Variants in SLC39A12 observed in about 807,000 individuals in gnomAD.
The protein encoded by SLC39A12 is solute carrier family 39 member 12.
In SLC39A12, 63 loss-of-function variants were observed where a neutral mutation model predicts 71.1. That is an observed-to-expected ratio of 0.89 (90% CI 0.72 to 1.09). SLC39A12 has a LOEUF of 1.09. Ranked by LOEUF, SLC39A12 falls within the 50% of genes least tolerant of loss-of-function variation. The pLI, the probability that SLC39A12 is intolerant of heterozygous loss-of-function variation, is 0.00. For missense variants in SLC39A12, 892 were observed against 812.6 expected (o/e 1.10, Z -1.19); for synonymous variants, 351 against 301.3 (o/e 1.16, Z -1.71).
intron 3 of SLC39A12, 39 bp from the exon 4 acceptor site, chr10:17,965,444 G>C (rs1448713065): frequency 6.4e-7 from 1 of 1,573,458 alleles, no homozygotes; most frequent in Non-Finnish European, 8.7e-7. Context: ...AATAACTTCA[G>C]ATGTTACAAT....
intron 4 of SLC39A12, among the ~76,000 whole-genome samples, chr10:17,975,079 G>T (rs1344388259): frequency 6.6e-6 from 1 of 152,134 alleles, no homozygotes; most frequent in Non-Finnish European, 1.5e-5. Flanking sequence ...CCACACTACT[G>T]CCAATGTTCC....
chr10:17,995,577 A>G, intron 9 of SLC39A12, 79 bp from the exon 10 acceptor site: 1 of 1,322,320 alleles, frequency 7.6e-7, no homozygotes, highest in South Asian at 1.2e-5. Flanking sequence ...AAACCCATGT[A>G]ACTCTCCAGA....
chr10:17,978,159 C>G, intron 5 of SLC39A12, 85 bp downstream of exon 5: 1 of 1,161,652 alleles, frequency 8.6e-7, no homozygotes, highest in Non-Finnish European at 1.2e-6. Flanking sequence ...TTGTAGAAAA[C>G]TTAAAGAGTA....
At chr10:17,973,572 C>G (rs1589225737) in intron 4 of SLC39A12, among the ~76,000 whole-genome samples, 1 of 152,126 alleles carries the variant, frequency 6.6e-6, no homozygotes, top group African/African-American at 2.4e-5. Flanking sequence ...CTCTCGTGGC[C>G]TGTAAGTTTT....
Position 18,003,283 on chromosome 10 carries a change from A to G in SLC39A12, c.1872A>G (p.Ser624=), listed in dbSNP as rs1835888089. 1 of 1,614,022 alleles carries G rather than the reference A, an allele frequency of 6.2e-7. No homozygotes were observed. Among genetic ancestry groups the G allele is most frequent in the Non-Finnish European group, 8.5e-7 (1 of 1,180,028 alleles). The change falls in exon 12 of 13, where the codon TCA becomes TCG. Residue 624 remains serine, a synonymous_variant. Coordinates refer to ENST00000377369, the MANE Select transcript of SLC39A12 (RefSeq NM_001145195.2). ...GATTATACATTGGCCTTTCCGTGTC[A>G]GCTGATCCATGTGTTCAAGACTGGA... ...FMGLYIGLSV[S]ADPCVQDWIF...
chr10:18,036,789 TATATA>T (rs1330878956), intron 12 of SLC39A12, among the ~76,000 whole-genome samples: 419 of 19,338 alleles, frequency 0.022, 22 homozygotes, highest in Non-Finnish European at 0.031. Context: ...TATATATATA[TATATA>T]TTTTTTTTTT....
intron 12 of SLC39A12, chr10:18,005,473 G>C (rs946943654): frequency 6.6e-6 from 1 of 152,142 alleles, no homozygotes; most frequent in Admixed American, 6.5e-5. Flanking sequence ...TTCAACTTTC[G>C]ATTTCTAATT....
At position 18,010,693 on chromosome 10, in the gene SLC39A12, C is replaced by T. The variant is rs140533908; in HGVS notation, c.1947+7335C>T. 9.9e-5 allele frequency: 15 copies of T among 152,250 alleles called. No individual in the cohort carries two copies. The East Asian group carries it at 2.7e-3, about 28-fold the overall frequency. 9.4% of individuals were successfully genotyped at this position (152,250 alleles called of 1,614,324 possible). A position where few individuals can be genotyped will look rare whatever the true frequency, so the allele number is the denominator to read the frequency against. On this transcript the variant is annotated intron_variant, in intron 12 of 12. Coordinates refer to ENST00000377369, the MANE Select transcript of SLC39A12 (RefSeq NM_001145195.2). Reference sequence around the variant, plus strand: ...CATCAGAAATGCTGGTATTTTTCTACTCCTCGTTCCTCTTTTCTTCTAACT... The same window carrying T: ...CATCAGAAATGCTGGTATTTTTCTATTCCTCGTTCCTCTTTTCTTCTAACT...
rs1196421039 is a variant in SLC39A12 at position 18,003,358 on chromosome 10, G to A, written c.1947G>A (p.Met649Ile). 6.2e-7 allele frequency: 1 copy of A among 1,602,752 alleles called. No homozygotes were observed. The highest frequency in any genetic ancestry group is 1.3e-5 in the African/African-American group (1 of 74,458). Residue 649 changes from methionine to isoleucine, a missense_variant and splice_region_variant, in exon 12 of 13, where the codon ATG becomes ATA. By Grantham distance (10) the Met-to-Ile change is conservative. Coordinates refer to ENST00000377369, the MANE Select transcript of SLC39A12 (RefSeq NM_001145195.2). ...TCTTATATTTATCCTTGGTTGAAAT[G>A]GTAAGCTTGGTGGCTTTTCTATTTG... The part of the protein sequence containing the change: ...GMFLYLSLVE[M>I]LPEMTHVQTQ...
intron 12 of SLC39A12, among the ~76,000 whole-genome samples, chr10:18,021,518 CT>C (rs1242797024): frequency 2.0e-5 from 3 of 151,938 alleles, no homozygotes; most frequent in African/African-American, 7.3e-5. Flanking sequence ...GTTTTCTTGC[CT>C]GTGAGATGGG....
intron 12 of SLC39A12, among the ~76,000 whole-genome samples, chr10:18,039,675 C>G (rs1164679155): frequency 6.6e-6 from 1 of 152,106 alleles, no homozygotes; most frequent in Non-Finnish European, 1.5e-5. Context: ...CTACAGTGAG[C>G]TATGATCACA....
chr10:17,972,349 A>G (rs1162313495), intron 4 of SLC39A12, among the ~76,000 whole-genome samples: 1 of 152,152 alleles, frequency 6.6e-6, no homozygotes, highest in African/African-American at 2.4e-5. Context: ...TATTAGCTCC[A>G]TTTGGTTGTA....
chr10:17,965,068 G>T (rs144249633), intron 3 of SLC39A12, among the ~76,000 whole-genome samples: 1 of 152,054 alleles, frequency 6.6e-6, no homozygotes, highest in African/African-American at 2.4e-5. Flanking sequence ...TTAGCCAGGC[G>T]TGGTGGCAGG....
In SLC39A12 at chr10:17,987,630, T is replaced by C. The variant is rs200244943; in HGVS notation, c.1248T>C (p.Ala416=). The part of the protein sequence containing the change: ...GLAVGTLSGD[A]LLHLIPQVLG... Reference sequence around the variant, plus strand: ...CCGTCGGGACACTGTCTGGGGACGCTCTGCTCCACCTTATCCCTCAGGTAA... The same window carrying C: ...CCGTCGGGACACTGTCTGGGGACGCCCTGCTCCACCTTATCCCTCAGGTAA... Residue 416 remains alanine (A), a synonymous_variant, in exon 7 of 13, where the codon GCT becomes GCC. Coordinates refer to ENST00000377369, the MANE Select transcript of SLC39A12 (RefSeq NM_001145195.2). 38 of 1,614,190 alleles carry C rather than the reference T, an allele frequency of 2.4e-5. No homozygotes were observed. The African/African-American group carries it at 4.7e-4, about 20-fold the overall frequency.
At chr10:17,979,897 A>G (rs1835209188) in intron 5 of SLC39A12, among the ~76,000 whole-genome samples, 1 of 152,192 alleles carries the variant, frequency 6.6e-6, no homozygotes, top group Non-Finnish European at 1.5e-5. Context: ...GGGTTCTTGG[A>G]GTGAAAAGTC....
chr10:17,954,432 C>G (rs1368114296), intron 2 of SLC39A12, among the ~76,000 whole-genome samples: 1 of 151,818 alleles, frequency 6.6e-6, no homozygotes, highest in African/African-American at 2.4e-5. Context: ...TTTTTTGTAT[C>G]TTTAGTAGAG....
At chr10:17,963,229 T>C (rs1476777522) in intron 3 of SLC39A12, among the ~76,000 whole-genome samples, 2 of 152,166 alleles carry the variant, frequency 1.3e-5, no homozygotes, top group African/African-American at 2.4e-5. Context: ...GTTTTCTACC[T>C]AAACCAGGAG....
chr10:17,999,763 C>T (rs1835781275), intron 10 of SLC39A12, among the ~76,000 whole-genome samples: 1 of 152,062 alleles, frequency 6.6e-6, no homozygotes, highest in Non-Finnish European at 1.5e-5. Flanking sequence ...GAAATTATTC[C>T]AAAGCTAACT....
intron 12 of SLC39A12, among the ~76,000 whole-genome samples, chr10:18,040,313 A>G (rs1837185421): frequency 6.6e-6 from 1 of 152,186 alleles, no homozygotes; most frequent in African/African-American, 2.4e-5. Flanking sequence ...TCCACCCAGG[A>G]GAGCAGTTCT....
Sources: allele counts gnomAD v4.1 joint callset (sites outside exome capture counted in the v4.1 genomes callset), GRCh38; gene constraint gnomAD v4.1.1; transcripts MANE v1.5; gene names NCBI Gene and HGNC (gene_info 2026-07-23, HGNC 2026-07-21).